The following PSG7 variants were observed in gnomAD, a reference collection of about 807,000 sequenced individuals.
The protein encoded by PSG7 is pregnancy-specific beta-1-glycoprotein 7.
PSG7 carries 57 observed loss-of-function variants against 45.6 expected under a neutral mutation model. That is an observed-to-expected ratio of 1.25 (90% CI 1.01 to 1.56). PSG7 has a LOEUF of 1.56. PSG7 is among the 40% of genes most tolerant of loss of function. The pLI is 0.00. For synonymous variants in PSG7, 298 were observed against 194.4 expected (o/e 1.53, Z -4.43); for missense variants, 796 against 508.4 (o/e 1.57, Z -5.44).
Position 42,925,798 on chromosome 19 carries a change from G to T in PSG7, c.1218C>A (p.Ser406=). Residue 406 remains serine, a synonymous_variant, in exon 5 of 6, where the codon TCC becomes TCA. Coordinates refer to ENST00000406070, the MANE Select transcript of PSG7 (RefSeq NM_002783.3). ...VRNSATGKES[S]KSVTVRVSDW... ...CAGAGACTCTGACTGTCACGGATTTGGAGCTTTCCTTGCCAGTGGCTGAGT... is the reference window on the plus strand; with the variant it reads ...CAGAGACTCTGACTGTCACGGATTTTGAGCTTTCCTTGCCAGTGGCTGAGT... The T allele has an allele frequency of 1.2e-6, 2 of 1,612,038 alleles. No individual in the cohort carries two copies. Among genetic ancestry groups the T allele is most frequent in the Non-Finnish European group, 1.7e-6 (2 of 1,179,018 alleles).
At position 42,928,233 on chromosome 19, in the gene PSG7, A is replaced by G. The variant is rs769787320; in HGVS notation, c.709+1209T>C. 7.9e-5 allele frequency among the ~76,000 whole-genome samples: 12 copies of G among 151,566 alleles called. 1 individual carries two copies. The highest frequency in any genetic ancestry group is 1.8e-4 in the Non-Finnish European group (12 of 67,896). On this transcript the variant is annotated intron_variant, in intron 3 of 5. Transcript: ENST00000406070. The stretch of plus-strand genomic sequence containing the variant: ...GAACTTTCCACCTTTTCATGGTTGC[A>G]TCTTTTTCTCAGTGTTTTTGTTGTG...
chr19:42,935,908 ACAC>A, intron 1 of PSG7, 139 bp from the exon 2 acceptor site: 1 of 1,244,936 alleles, frequency 8.0e-7, no homozygotes. Context: ...ACACACACAC[ACAC>A]ACAAACACAC....
rs1973132523 is a variant in PSG7 at position 42,935,623 on chromosome 19, G to T, written c.211C>A (p.Gln71Lys). Residue 71 changes from glutamine (Q) to lysine (K), a missense_variant, in exon 2 of 6, where the codon CAA (glutamine) becomes AAA (lysine). Transcript: ENST00000406070. ...NLTGYIWYKG[Q>K]IRDLYHYVTS... ...ACATAATGGTAGAGGTCCCTGATTTGTCCTTTGTACCAGATGTAGCCAGTA... is the reference window on the plus strand; with the variant it reads ...ACATAATGGTAGAGGTCCCTGATTTTTCCTTTGTACCAGATGTAGCCAGTA... The T allele has an allele frequency of 4.3e-6, 7 of 1,612,064 alleles. 1 individual carries two copies. The highest frequency in any genetic ancestry group is 5.9e-6 in the Non-Finnish European group (7 of 1,179,100).
intron 1 of PSG7, among the ~76,000 whole-genome samples, chr19:42,935,979 G>C (rs1212090610): frequency 1.3e-5 from 2 of 150,612 alleles, no homozygotes; most frequent in African/African-American, 4.9e-5. Flanking sequence ...GTCCTACTAG[G>C]TCAAGGTCAG....
At position 42,927,818 on chromosome 19, in the gene PSG7, G is replaced by A. The variant is rs984799119; in HGVS notation, c.710-1102C>T. Among the ~76,000 whole-genome samples, 22 of 151,292 alleles carry A rather than the reference G, an allele frequency of 1.5e-4. 2 individuals are homozygous for A. The highest frequency in any genetic ancestry group is 3.2e-4 in the Non-Finnish European group (22 of 67,726). On this transcript the variant is annotated intron_variant, in intron 3 of 5. Coordinates refer to ENST00000406070, the MANE Select transcript of PSG7 (RefSeq NM_002783.3). ...TGGGCAGTTTCTTTTATGCAAGATG[G>A]GGAGTTTCTAGAGATCTGCTGTAGA...
rs1325989021 is a variant in PSG7, at chr19:42,935,577, C to T, written c.257G>A (p.Gly86Asp). The T allele has an allele frequency of 2.5e-6, 4 of 1,612,036 alleles. No individual in the cohort carries two copies. In the Admixed American group the frequency reaches 6.7e-5, roughly 27 times the overall value. The change falls in exon 2 of 6, where the codon GGT becomes GAT. Residue 86 changes from glycine (G) to aspartate (D), a missense_variant. Gly to Asp is a moderately conservative substitution (Grantham distance 94). Coordinates refer to ENST00000406070, the MANE Select transcript of PSG7 (RefSeq NM_002783.3). ...TGCAGGCCCATATTTAATTATTTGA[C>T]CGTCTACTATATATGATGTAACATA... is the stretch of plus-strand genomic sequence containing the variant. ...YHYVTSYIVD[G>D]QIIKYGPAYS... is the part of the protein sequence containing the mutation.
At chr19:42,928,331 G>A (rs1972939798) in intron 3 of PSG7, among the ~76,000 whole-genome samples, 1 of 151,524 alleles carries the variant, frequency 6.6e-6, no homozygotes, top group Admixed American at 6.6e-5. Context: ...ATGTTACTGG[G>A]ATGCTGGTAG....
Position 42,935,734 on chromosome 19 carries a change from C to T in PSG7, c.100G>A (p.Ala34Thr). The T allele has an allele frequency of 6.2e-7, 1 of 1,611,504 alleles. No individual in the cohort carries two copies. The highest frequency in any genetic ancestry group is 8.5e-7 in the Non-Finnish European group (1 of 1,178,848). The change falls in exon 2 of 6, where the codon GCC becomes ACC. Residue 34 changes from alanine (A) to threonine (T), a missense_variant. Transcript: ENST00000406070. ...GGCTGGGCTTCAATCGTGACTTGGG[C>T]TGTGGTGGGCGGGTTCCAGAAGTTT... ...LLNFWNPPTT[A>T]QVTIEAQPPK...
intron 2 of PSG7, among the ~76,000 whole-genome samples, chr19:42,930,307 C>G (rs374806274): frequency 1.8e-4 from 27 of 151,610 alleles, no homozygotes; most frequent in East Asian, 1.4e-3. Context: ...CACAAGGTGG[C>G]GCAGTTTTCC....
chr19:42,932,645 C>A (rs569747287), intron 2 of PSG7, among the ~76,000 whole-genome samples: 2 of 151,552 alleles, frequency 1.3e-5, no homozygotes, highest in Non-Finnish European at 2.9e-5. Context: ...TGTCCTCACT[C>A]ATTCCTGGAC....
At chr19:42,925,575 A>C in intron 5 of PSG7, 198 bp downstream of exon 5, 4 of 1,325,396 alleles carry the variant, frequency 3.0e-6, no homozygotes, top group Non-Finnish European at 4.1e-6. Context: ...TAGGCTGGGA[A>C]TGTTATGAAG....
chr19:42,928,251 T>G (rs370925417), intron 3 of PSG7, among the ~76,000 whole-genome samples: 4 of 151,630 alleles, frequency 2.6e-5, no homozygotes, highest in Non-Finnish European at 4.4e-5. Context: ...CTCAGTGTTT[T>G]TGTTGTGGCA....
chr19:42,926,319 A>C lies in PSG7; in HGVS notation c.988+119T>G, dbSNP rs145576798. On this transcript the variant is annotated intron_variant, in intron 4 of 5. Transcript: ENST00000406070. ...GGAGTCATGGCCAGCTCGGATGTCC[A>C]GAAGTAAATATGTCTATACTTGGAC... 2,332 of 1,540,900 alleles carry C rather than the reference A, an allele frequency of 1.5e-3. 90 individuals carry two copies. The African/African-American group carries it at 0.029, about 19-fold the overall frequency.
chr19:42,925,035 A>G (rs1972495155), intron 5 of PSG7: 1 of 598,796 alleles, frequency 1.7e-6, no homozygotes, highest in East Asian at 2.8e-5. Context: ...AAGAGTAGCA[A>G]TGGACTATGT....
intron 1 of PSG7, 104 bp from the exon 2 acceptor site, chr19:42,935,873 GACACACACAC>G (rs60833164): frequency 0.013 from 9,810 of 727,312 alleles, 43 homozygotes; most frequent in African/African-American, 0.033. Flanking sequence ...CAGCCTTGAA[GACACACACAC>G]ACACACACAC....
intron 5 of PSG7, 182 bp downstream of exon 5, chr19:42,925,591 A>G: frequency 7.1e-7 from 1 of 1,403,258 alleles, no homozygotes; most frequent in Non-Finnish European, 9.6e-7. Context: ...TGAAGATATC[A>G]GCCTGTTTGT....
In PSG7 at chr19:42,929,723, G is replaced by A; in HGVS notation, c.431-3C>T. The stretch of plus-strand genomic sequence containing the variant: ...GATGGAGGGTTTGGGAGTCTCCACT[G>A]TGCGGAAAACAGAGAGAAGATTGCC... On this transcript the variant is annotated splice_polypyrimidine_tract_variant and splice_region_variant and intron_variant, in intron 2 of 5. Coordinates refer to ENST00000406070, the MANE Select transcript of PSG7 (RefSeq NM_002783.3). The A allele has an allele frequency of 1.2e-6, 2 of 1,610,750 alleles. No homozygotes were observed. The highest frequency in any genetic ancestry group is 1.7e-6 in the Non-Finnish European group (2 of 1,178,298).
intron 5 of PSG7, chr19:42,925,430 T>G (rs781574718): frequency 3.7e-6 from 2 of 545,940 alleles, no homozygotes; most frequent in African/African-American, 1.9e-5. Flanking sequence ...TAGAGATAGA[T>G]TAAAAGACAA....
At chr19:42,933,260 C>T (rs779890238) in intron 2 of PSG7, among the ~76,000 whole-genome samples, 50 of 53,010 alleles carry the variant, frequency 9.4e-4, no homozygotes, top group Middle Eastern at 0.048. Flanking sequence ...TACAAATCAC[C>T]ATTTCAATAT....
Sources: gnomAD v4.1 joint callset for allele counts (sites outside exome capture counted in the v4.1 genomes callset) on GRCh38, gnomAD v4.1.1 for gene constraint, MANE v1.5 for transcripts, NCBI Gene and HGNC (gene_info 2026-07-23, HGNC 2026-07-21) for gene names.